Variants in DIS3L2 observed in about 807,000 individuals in gnomAD.
DIS3L2 encodes DIS3 like 3'-5' exoribonuclease 2.
Under a neutral mutation model 97.5 loss-of-function variants are expected in DIS3L2, and 34 were observed. The ratio of observed to expected loss-of-function variants is 0.35; its 90% CI spans 0.27 to 0.46. DIS3L2 has a LOEUF of 0.46. DIS3L2 is among the 20% of genes least tolerant of loss of function. The pLI, the probability that DIS3L2 is intolerant of heterozygous loss-of-function variation, is 1.00. For synonymous variants in DIS3L2, 435 were observed against 445.2 expected (o/e 0.98, Z 0.29); for missense variants, 1,038 against 1,146.0 (o/e 0.91, Z 1.36).
chr2:232,039,498 CT>C (rs1695048519), intron 5 of DIS3L2, among the ~76,000 whole-genome samples: 1 of 152,056 alleles, frequency 6.6e-6, no homozygotes, highest in Non-Finnish European at 1.5e-5. Context: ...AACAACAGTT[CT>C]TTTCGTTGTA....
intron 9 of DIS3L2, among the ~76,000 whole-genome samples, chr2:232,190,892 G>A (rs983541950): frequency 1.3e-5 from 2 of 152,206 alleles, no homozygotes; most frequent in African/African-American, 4.8e-5. Flanking sequence ...AAGAGTTAAA[G>A]AAAAGACAAA....
chr2:232,322,560 T>C (rs572657642), intron 14 of DIS3L2, among the ~76,000 whole-genome samples: 27 of 152,312 alleles, frequency 1.8e-4, no homozygotes, highest in African/African-American at 5.8e-4. Flanking sequence ...CTGCAGACTT[T>C]AGTGGCTGTG....
chr2:232,108,055 C>T (rs924540157), intron 6 of DIS3L2, among the ~76,000 whole-genome samples: 2 of 152,066 alleles, frequency 1.3e-5, no homozygotes, highest in Admixed American at 6.5e-5. Context: ...AACGTGATAC[C>T]AAAACCTGGC....
intron 13 of DIS3L2, among the ~76,000 whole-genome samples, chr2:232,283,974 G>A (rs184031233): frequency 1.3e-5 from 2 of 152,290 alleles, no homozygotes; most frequent in East Asian, 1.9e-4. Flanking sequence ...GGAACCTTGG[G>A]TGGAAATTGG....
chr2:232,299,359 T>G (rs528275729), intron 13 of DIS3L2, among the ~76,000 whole-genome samples: 62 of 152,302 alleles, frequency 4.1e-4, no homozygotes, highest in Middle Eastern at 3.4e-3. Flanking sequence ...CTTTTTCTTT[T>G]CTTCGCTGTT....
At chr2:232,210,486 C>A in intron 10 of DIS3L2, 81 bp downstream of exon 10, 1 of 1,316,808 alleles carries the variant, frequency 7.6e-7, no homozygotes. Context: ...CCTGTGCTGC[C>A]TAGGCAGCAT....
chr2:232,164,902 GT>G (rs1690760478), intron 9 of DIS3L2, among the ~76,000 whole-genome samples: 1 of 152,076 alleles, frequency 6.6e-6, no homozygotes, highest in African/African-American at 2.4e-5. Context: ...TGAGGGGTTT[GT>G]TTTCTGAGGT....
At chr2:232,302,938 ATAG>A (rs1303393815) in intron 14 of DIS3L2, among the ~76,000 whole-genome samples, 18 of 152,320 alleles carry the variant, frequency 1.2e-4, no homozygotes, top group East Asian at 5.8e-4. Flanking sequence ...TTAATTATTA[ATAG>A]TAGGATTAAT....
At chr2:232,249,499 G>A (rs1452952521) in intron 12 of DIS3L2, among the ~76,000 whole-genome samples, 153 bp downstream of exon 12, 1 of 152,244 alleles carries the variant, frequency 6.6e-6, no homozygotes, top group Non-Finnish European at 1.5e-5. Flanking sequence ...CAGAGTCCCT[G>A]CCTCGGAAGA....
chr2:231,983,826 T>G lies in DIS3L2; in HGVS notation c.-94+22061T>G, dbSNP rs538285460. On this transcript the variant is annotated intron_variant, in intron 1 of 20. Transcript: ENST00000325385. The stretch of plus-strand genomic sequence containing the variant: ...ATCGCTTGAACCCGGGAGGTGGAGG[T>G]TGCAGTGAGCCGAGATCACGCCACT... 7.9e-5 allele frequency among the ~76,000 whole-genome samples: 12 copies of G among 151,044 alleles called. No homozygotes were observed. In the South Asian group the frequency reaches 2.5e-3, roughly 32 times the overall value.
At chr2:232,326,770 C>T (rs150057049) in intron 14 of DIS3L2, among the ~76,000 whole-genome samples, 1 of 148,648 alleles carries the variant, frequency 6.7e-6, no homozygotes, top group Non-Finnish European at 1.5e-5. Context: ...GAGGCTGAGA[C>T]GGCAAGGGAA....
chr2:232,057,004 C>T (rs1437950692), intron 5 of DIS3L2, among the ~76,000 whole-genome samples: 1 of 152,088 alleles, frequency 6.6e-6, no homozygotes, highest in Admixed American at 6.6e-5. Context: ...TAGCCCCAAA[C>T]TGGAAACCAT....
At chr2:232,086,310 T>TATATGTATATGCATATGC (rs1696592341) in intron 5 of DIS3L2, among the ~76,000 whole-genome samples, 1 of 147,222 alleles carries the variant, frequency 6.8e-6, no homozygotes, top group African/African-American at 2.6e-5. Context: ...TATACATATG[T>TATATGTATATGCATATGC]ATATGTATAT....
intron 11 of DIS3L2, among the ~76,000 whole-genome samples, chr2:232,241,741 G>A (rs1174863333): frequency 1.3e-5 from 2 of 152,182 alleles, no homozygotes; most frequent in Admixed American, 1.3e-4. Flanking sequence ...CATTTGCTCA[G>A]TTAATGCCTC....
At chr2:232,223,774 T>C (rs780913823) in intron 10 of DIS3L2, among the ~76,000 whole-genome samples, 2 of 152,216 alleles carry the variant, frequency 1.3e-5, no homozygotes, top group Non-Finnish European at 2.9e-5. Flanking sequence ...GTGAAAGTTA[T>C]TATTAATATA....
chr2:232,141,420 C>G (rs1402118080), intron 8 of DIS3L2, among the ~76,000 whole-genome samples: 2 of 152,084 alleles, frequency 1.3e-5, no homozygotes, highest in Non-Finnish European at 2.9e-5. Context: ...CGACCTAGAG[C>G]AAATTGACAC....
At chr2:232,171,735 A>G (rs1690996427) in intron 9 of DIS3L2, among the ~76,000 whole-genome samples, 2 of 152,230 alleles carry the variant, frequency 1.3e-5, no homozygotes, top group South Asian at 4.1e-4. Flanking sequence ...TGAAATTACA[A>G]GAAATGCATA....
chr2:232,031,386 C>T (rs937036462), intron 5 of DIS3L2, among the ~76,000 whole-genome samples: 4 of 151,964 alleles, frequency 2.6e-5, no homozygotes, highest in Non-Finnish European at 5.9e-5. Flanking sequence ...AGTTCTTGCT[C>T]TCATGGAGCT....
chr2:232,239,556 C>T (rs1008360666), intron 11 of DIS3L2, among the ~76,000 whole-genome samples: 2 of 152,178 alleles, frequency 1.3e-5, no homozygotes, highest in African/African-American at 2.4e-5. Flanking sequence ...TAAAATTTGG[C>T]AGTCCAGTTT....
Sources: gnomAD v4.1 joint callset for allele counts (sites outside exome capture counted in the v4.1 genomes callset) on GRCh38, gnomAD v4.1.1 for gene constraint, MANE v1.5 for transcripts, NCBI Gene and HGNC (gene_info 2026-07-23, HGNC 2026-07-21) for gene names.